CNIH3: variants seen among roughly 807,000 people sequenced by gnomAD.
CNIH3 encodes cornichon family AMPA receptor auxiliary protein 3.
CNIH3 carries 14 observed loss-of-function variants against 24.1 expected under a neutral mutation model. The ratio of observed to expected loss-of-function variants is 0.58; its 90% CI spans 0.38 to 0.91. CNIH3 has a LOEUF of 0.91. Among genes scored for constraint, CNIH3 ranks in the 40% least tolerant of loss-of-function variants. The probability of loss-of-function intolerance (pLI) is 0.00; values close to 1 mark genes in which losing one functional copy is unlikely to be tolerated. For missense variants in CNIH3, 178 were observed against 196.8 expected (o/e 0.90, Z 0.57); for synonymous variants, 68 against 73.8 (o/e 0.92, Z 0.40).
chr1:224,500,484 CA>C (rs1677608810), intron 1 of CNIH3, among the ~76,000 whole-genome samples: 1 of 152,090 alleles, frequency 6.6e-6, no homozygotes, highest in South Asian at 2.1e-4. Flanking sequence ...CCAGCCTGGC[CA>C]ACATGACGAA....
chr1:224,579,242 T>G (rs1321263199), intron 4 of CNIH3, among the ~76,000 whole-genome samples: 1 of 152,100 alleles, frequency 6.6e-6, no homozygotes, highest in African/African-American at 2.4e-5. Context: ...TCCTCCAAGT[T>G]GTTGTTTTCT....
chr1:224,718,252 A>G (rs1431508383), intron 3 of CNIH3, among the ~76,000 whole-genome samples: 1 of 152,086 alleles, frequency 6.6e-6, no homozygotes, highest in African/African-American at 2.4e-5. Flanking sequence ...GACCTTGAGT[A>G]GGTTCTTGAG....
chr1:224,602,887 G>A (rs577753958), intron 3 of CNIH3, among the ~76,000 whole-genome samples: 56 of 152,180 alleles, frequency 3.7e-4, no homozygotes, highest in African/African-American at 6.8e-4. Flanking sequence ...ACCATCTTGG[G>A]CCCGTAAAGG....
chr1:224,638,061 C>T (rs1217622553), intron 1 of CNIH3, among the ~76,000 whole-genome samples: 4 of 152,228 alleles, frequency 2.6e-5, no homozygotes, highest in African/African-American at 9.6e-5. Flanking sequence ...GAAATATTTC[C>T]TGCCCTAACA....
intron 1 of CNIH3, among the ~76,000 whole-genome samples, chr1:224,456,557 C>T (rs1016919197): frequency 2.0e-5 from 3 of 152,192 alleles, no homozygotes; most frequent in South Asian, 2.1e-4. Flanking sequence ...ACAATAAGTG[C>T]GTGCCACCAC....
At chr1:224,656,270 G>A (rs1685090625) in intron 1 of CNIH3, among the ~76,000 whole-genome samples, 1 of 152,202 alleles carries the variant, frequency 6.6e-6, no homozygotes, top group South Asian at 2.1e-4. Context: ...ACCATGATCT[G>A]TGTACTTTTA....
chr1:224,736,450 A>C (rs891625114), intron 5 of CNIH3, among the ~76,000 whole-genome samples: 1 of 152,200 alleles, frequency 6.6e-6, no homozygotes, highest in Non-Finnish European at 1.5e-5. Flanking sequence ...GCTATCTTAG[A>C]AAACCTCTAG....
intron 1 of CNIH3, among the ~76,000 whole-genome samples, chr1:224,623,127 CT>C (rs1683360281): frequency 6.6e-6 from 1 of 152,186 alleles, no homozygotes; most frequent in African/African-American, 2.4e-5. Flanking sequence ...CCTGAGCCCC[CT>C]GACCTGCCCT....
At chr1:224,605,615 A>G (rs891612273) in intron 3 of CNIH3, among the ~76,000 whole-genome samples, 14 of 152,166 alleles carry the variant, frequency 9.2e-5, no homozygotes, top group Non-Finnish European at 1.5e-4. Context: ...CAGCACTACT[A>G]CAGAAACTAA....
chr1:224,552,818 T>G lies in CNIH3; in HGVS notation n.450+5879T>G, dbSNP rs552523873. ...TCTCCGTTAGATACTACAAATAATA[T>G]CACAGAGGGTAGACATTGGATGTAT... On this transcript the variant is annotated intron_variant and non_coding_transcript_variant, in intron 3 of 5. Transcript: ENST00000471578. 2.7e-5 allele frequency among the ~76,000 whole-genome samples: 4 copies of G among 150,304 alleles called. No individual in the cohort carries two copies. In the East Asian group the frequency reaches 8.0e-4, roughly 30 times the overall value.
intron 4 of CNIH3, among the ~76,000 whole-genome samples, chr1:224,572,239 A>T (rs1366138611): frequency 1.3e-5 from 2 of 152,086 alleles, no homozygotes; most frequent in Non-Finnish European, 2.9e-5. Context: ...TTCACAGCCC[A>T]GTGTGGTGGC....
At chr1:224,723,311 G>GGTGCT (rs1007579720) in intron 3 of CNIH3, among the ~76,000 whole-genome samples, 3 of 151,928 alleles carry the variant, frequency 2.0e-5, no homozygotes, top group African/African-American at 7.3e-5. Flanking sequence ...GGGCAGCAGG[G>GGTGCT]GTGCTGGTTT....
chr1:224,457,242 A>C (rs1675701835), intron 1 of CNIH3, among the ~76,000 whole-genome samples: 1 of 150,580 alleles, frequency 6.6e-6, no homozygotes, highest in Admixed American at 6.7e-5. Context: ...TTTTAAAACA[A>C]GGATGGCCGT....
At chr1:224,713,814 A>C (rs1688285450) in intron 3 of CNIH3, among the ~76,000 whole-genome samples, 1 of 152,006 alleles carries the variant, frequency 6.6e-6, no homozygotes, top group Non-Finnish European at 1.5e-5. Flanking sequence ...TTAAAATTTA[A>C]ATTTAAATTT....
chr1:224,497,378 T>TA (rs1558108473), intron 1 of CNIH3, among the ~76,000 whole-genome samples: 2 of 152,250 alleles, frequency 1.3e-5, no homozygotes, highest in African/African-American at 4.8e-5. Context: ...ATGTTTACTT[T>TA]AAAAAATGAT....
chr1:224,667,230 A>T (rs1441867827), intron 1 of CNIH3, among the ~76,000 whole-genome samples: 2 of 152,240 alleles, frequency 1.3e-5, no homozygotes, highest in Admixed American at 1.3e-4. Context: ...GAAAATGTAA[A>T]ATAATGTAAG....
chr1:224,622,755 T>C (rs572837126), intron 1 of CNIH3, among the ~76,000 whole-genome samples: 48 of 152,360 alleles, frequency 3.2e-4, no homozygotes, highest in African/African-American at 1.1e-3. Context: ...AGCTCTTGCC[T>C]ATACTGGCCC....
At chr1:224,535,430 A>G (rs1679244360) in intron 2 of CNIH3, among the ~76,000 whole-genome samples, 1 of 152,252 alleles carries the variant, frequency 6.6e-6, no homozygotes, top group African/African-American at 2.4e-5. Context: ...GTTTCAAACC[A>G]TCCAACATAT....
intron 3 of CNIH3, among the ~76,000 whole-genome samples, chr1:224,557,883 G>A (rs899808293): frequency 2.0e-5 from 3 of 152,096 alleles, no homozygotes; most frequent in Non-Finnish European, 4.4e-5. Flanking sequence ...ATCCTATTCA[G>A]TCCTTACCAC....
Sources: allele counts gnomAD v4.1 joint callset (sites outside exome capture counted in the v4.1 genomes callset), GRCh38; gene constraint gnomAD v4.1.1; transcripts MANE v1.5; gene names NCBI Gene and HGNC (gene_info 2026-07-23, HGNC 2026-07-21).